The following HPSE2 variants were observed in gnomAD, a reference collection of about 807,000 sequenced individuals.
The protein encoded by HPSE2 is inactive heparanase-2.
HPSE2 carries 38 observed loss-of-function variants against 60.5 expected under a neutral mutation model. The ratio of observed to expected loss-of-function variants is 0.63; its 90% CI spans 0.48 to 0.82. The LOEUF is 0.82. Among genes scored for constraint, HPSE2 ranks in the 40% least tolerant of loss-of-function variants. HPSE2 has a pLI of 0.00. For missense variants in HPSE2, 713 were observed against 740.4 expected (o/e 0.96, Z 0.43); for synonymous variants, 295 against 293.2 (o/e 1.01, Z -0.06).
chr10:98,614,847 G>T, intron 9 of HPSE2, 57 bp downstream of exon 9: 1 of 1,161,940 alleles, frequency 8.6e-7, no homozygotes. Flanking sequence ...AACAAGGCAT[G>T]ATCAAAAGAA....
chr10:98,605,733 A>G lies in HPSE2; in HGVS notation c.1320+9171T>C, dbSNP rs1589495723. Among the ~76,000 whole-genome samples the G allele has an allele frequency of 4.6e-5, 7 of 152,356 alleles. No individual in the cohort carries two copies. In the South Asian group the frequency reaches 1.4e-3, roughly 32 times the overall value. ...GGTGGCAAGGGCAGGATAGAGCATC[A>G]GGTGCAGGGAGCTTGAGCTAAACTT... is the stretch of plus-strand genomic sequence containing the variant. On this transcript the variant is annotated intron_variant, in intron 9 of 11. Transcript: ENST00000370552.
chr10:98,761,991 C>A (rs1950016146), intron 3 of HPSE2, among the ~76,000 whole-genome samples: 1 of 148,364 alleles, frequency 6.7e-6, no homozygotes, highest in Non-Finnish European at 1.5e-5. Context: ...CTCCCCTCCT[C>A]TCCCCTGTCT....
chr10:98,891,464 G>C (rs933594340), intron 3 of HPSE2, among the ~76,000 whole-genome samples: 2 of 151,894 alleles, frequency 1.3e-5, no homozygotes, highest in African/African-American at 4.8e-5. Flanking sequence ...TTATTTTTAA[G>C]TAGAGACAGT....
intron 3 of HPSE2, among the ~76,000 whole-genome samples, chr10:98,824,940 C>T (rs1156817507): frequency 6.6e-6 from 1 of 152,194 alleles, no homozygotes; most frequent in African/African-American, 2.4e-5. Context: ...CTTCCTTCCT[C>T]CTTCTCTTTT....
intron 3 of HPSE2, among the ~76,000 whole-genome samples, chr10:98,911,527 CAG>C (rs948623411): frequency 6.6e-6 from 1 of 152,046 alleles, no homozygotes; most frequent in Admixed American, 6.6e-5. Context: ...TGAAATAGCA[CAG>C]AGACATTAAG....
At chr10:98,909,085 A>C (rs112866606) in intron 3 of HPSE2, among the ~76,000 whole-genome samples, 375 of 152,282 alleles carry the variant, frequency 2.5e-3, no homozygotes, top group African/African-American at 8.8e-3. Flanking sequence ...TTGAGGCAAC[A>C]AAATGGTGGA....
At chr10:99,152,944 G>A (rs960210688) in intron 2 of HPSE2, among the ~76,000 whole-genome samples, 9 of 152,386 alleles carry the variant, frequency 5.9e-5, no homozygotes, top group Non-Finnish European at 8.8e-5. Context: ...CTTGGGAAGC[G>A]CAAGGGGTCA....
chr10:99,264,232 T>TGCCC, the HPSE2 span, among the ~76,000 whole-genome samples: 1 of 151,930 alleles, frequency 6.6e-6, no homozygotes, highest in Non-Finnish European at 1.5e-5. Flanking sequence ...TGACTACAGG[T>TGCCC]GCCCACCACC....
chr10:98,461,839 GT>G (rs1564895213), intron 11 of HPSE2: 2 of 1,563,708 alleles, frequency 1.3e-6, no homozygotes, highest in African/African-American at 2.7e-5. Flanking sequence ...GCAAAACAAC[GT>G]GTGATTAGCA....
Position 98,553,707 on chromosome 10 carries a change from T to C in HPSE2, c.1320+61197A>G, listed in dbSNP as rs144852801. On this transcript the variant is annotated intron_variant, in intron 9 of 11. Coordinates refer to ENST00000370552, the MANE Select transcript of HPSE2 (RefSeq NM_021828.5). ...TAGATCACATTAGCCTCTCTTCTTTTCCAAGGCCACAGGTTAATAAAGCCT... is the reference window on the plus strand; with the variant it reads ...TAGATCACATTAGCCTCTCTTCTTTCCCAAGGCCACAGGTTAATAAAGCCT... Among the ~76,000 whole-genome samples, 7 of 152,334 alleles carry C rather than the reference T, an allele frequency of 4.6e-5. No homozygotes were observed. The East Asian group carries it at 9.7e-4, about 21-fold the overall frequency.
chr10:99,030,895 G>A (rs980016953), intron 3 of HPSE2, among the ~76,000 whole-genome samples: 17 of 152,102 alleles, frequency 1.1e-4, no homozygotes, highest in African/African-American at 3.6e-4. Context: ...GACAAACATC[G>A]CATGTTCTCA....
intron 3 of HPSE2, among the ~76,000 whole-genome samples, chr10:98,832,120 T>A (rs1951696958): frequency 6.6e-6 from 1 of 152,200 alleles, no homozygotes; most frequent in Admixed American, 6.5e-5. Flanking sequence ...CTGGGTTCAA[T>A]ATCTAACTGC....
intron 2 of HPSE2, among the ~76,000 whole-genome samples, chr10:99,159,046 C>G (rs1846711382): frequency 1.3e-5 from 2 of 151,780 alleles, no homozygotes; most frequent in South Asian, 4.1e-4. Flanking sequence ...CATCTATATT[C>G]TAAAAAAGGA....
intron 9 of HPSE2, among the ~76,000 whole-genome samples, chr10:98,582,762 C>T (rs900379265): frequency 4.6e-5 from 7 of 152,186 alleles, no homozygotes; most frequent in Admixed American, 3.3e-4. Flanking sequence ...ATATAATTCA[C>T]ATATCATATA....
intron 11 of HPSE2, among the ~76,000 whole-genome samples, chr10:98,463,332 A>G (rs1290251008): frequency 6.6e-6 from 1 of 152,262 alleles, no homozygotes; most frequent in Non-Finnish European, 1.5e-5. Flanking sequence ...TGTGGATCGC[A>G]GACCTCTGGG....
At chr10:98,549,585 C>T (rs886791747) in intron 9 of HPSE2, among the ~76,000 whole-genome samples, 2 of 152,144 alleles carry the variant, frequency 1.3e-5, no homozygotes, top group African/African-American at 4.8e-5. Context: ...TTTAAAAAGC[C>T]CTTGCCCCTT....
intron 3 of HPSE2, among the ~76,000 whole-genome samples, chr10:99,052,204 G>A (rs1405538846): frequency 2.0e-5 from 3 of 151,738 alleles, no homozygotes; most frequent in Non-Finnish European, 4.4e-5. Flanking sequence ...TGAATGAAAA[G>A]ATGGAAAATC....
In HPSE2 at chr10:98,459,488, G is replaced by A; in HGVS notation, c.*86C>T. On this transcript the variant is annotated 3_prime_UTR_variant, in exon 12 of 12. Transcript: ENST00000370552. ...TGGGGCAGCAGGGGCTGGTTGCTAG[G>A]ATGTCTGAAAACAGAGGATACTACT... 1 of 1,415,510 alleles carries A rather than the reference G, an allele frequency of 7.1e-7. No individual in the cohort carries two copies. Among genetic ancestry groups the A allele is most frequent in the Non-Finnish European group, 1.0e-6 (1 of 1,000,200 alleles). 87.7% of individuals were successfully genotyped at this position (1,415,510 alleles called of 1,614,324 possible).
At chr10:99,116,680 A>G (rs541614496) in intron 3 of HPSE2, among the ~76,000 whole-genome samples, 69 of 152,316 alleles carry the variant, frequency 4.5e-4, no homozygotes, top group South Asian at 3.1e-3. Flanking sequence ...AATGCAGATG[A>G]AAAAGTGCCC....
Sources: allele counts gnomAD v4.1 joint callset (sites outside exome capture counted in the v4.1 genomes callset), GRCh38; gene constraint gnomAD v4.1.1; transcripts MANE v1.5; gene names NCBI Gene and HGNC (gene_info 2026-07-23, HGNC 2026-07-21).